The following PTPRM variants were observed in gnomAD, a reference collection of about 807,000 sequenced individuals.
PTPRM encodes the protein receptor-type tyrosine-protein phosphatase mu.
Under a neutral mutation model 186.7 loss-of-function variants are expected in PTPRM, and 47 were observed. That is an observed-to-expected ratio of 0.25 (90% confidence interval 0.20 to 0.32). The LOEUF is 0.32. Ranked by LOEUF, PTPRM falls within the 10% of genes least tolerant of loss-of-function variation. The probability of loss-of-function intolerance (pLI) is 1.00; values close to 1 mark genes in which losing one functional copy is unlikely to be tolerated. For synonymous variants in PTPRM, 668 were observed against 674.9 expected (o/e 0.99, Z 0.16); for missense variants, 1,494 against 1,865.0 (o/e 0.80, Z 3.66).
rs114407763 is a variant in PTPRM, at chr18:8,185,417, C to T, written c.2300+41638C>T. Among the ~76,000 whole-genome samples, 1,308 of 152,328 alleles carry T rather than the reference C, an allele frequency of 8.6e-3. 11 individuals are homozygous for T. Among genetic ancestry groups the T allele is most frequent in the African/African-American group, 0.03 (1,241 of 41,572 alleles). On this transcript the variant is annotated intron_variant, in intron 14 of 32. Coordinates refer to ENST00000580170, the MANE Select transcript of PTPRM (RefSeq NM_001105244.2). ...TGAGACACAGAAGCTGATCACCTTG[C>T]TCGGGGTCCTGTGACTAGTAGGAGT...
intron 1 of PTPRM, among the ~76,000 whole-genome samples, chr18:7,701,788 C>T (rs916128673): frequency 1.3e-5 from 2 of 151,980 alleles, no homozygotes; most frequent in African/African-American, 4.8e-5. Context: ...ATACACGTGC[C>T]ATGGTGGTTT....
chr18:8,088,960 T>A, intron 11 of PTPRM, 109 bp downstream of exon 11: 1 of 811,112 alleles, frequency 1.2e-6, no homozygotes, highest in Non-Finnish European at 2.0e-6. Flanking sequence ...AGCCAGCATG[T>A]AAATCCATAT....
chr18:8,165,196 G>T (rs2093303572), intron 14 of PTPRM, among the ~76,000 whole-genome samples: 1 of 151,086 alleles, frequency 6.6e-6, no homozygotes, highest in Non-Finnish European at 1.5e-5. Flanking sequence ...AAGAAAGAAA[G>T]AAATGTTCTA....
chr18:8,129,279 T>C (rs2092446398), intron 13 of PTPRM, among the ~76,000 whole-genome samples: 1 of 152,194 alleles, frequency 6.6e-6, no homozygotes, highest in African/African-American at 2.4e-5. Flanking sequence ...TTAATAAAAA[T>C]GAGAAAGGCT....
chr18:8,233,573 ATGTC>A (rs2094312314), intron 14 of PTPRM, among the ~76,000 whole-genome samples: 3 of 152,146 alleles, frequency 2.0e-5, no homozygotes, highest in African/African-American at 7.2e-5. Context: ...ATTACCAGGT[ATGTC>A]TTTTACAAAT....
At chr18:7,588,777 G>A (rs1303811157) in intron 1 of PTPRM, among the ~76,000 whole-genome samples, 1 of 152,126 alleles carries the variant, frequency 6.6e-6, no homozygotes, top group South Asian at 2.1e-4. Context: ...TCCTTTAACC[G>A]TGGTCACTTG....
intron 5 of PTPRM, 43 bp from the exon 6 acceptor site, chr18:7,949,138 C>T (rs1328714549): frequency 6.7e-7 from 1 of 1,499,642 alleles, no homozygotes; most frequent in South Asian, 1.2e-5. Context: ...GCTCTGACAG[C>T]TTATATTGCT....
intron 19 of PTPRM, among the ~76,000 whole-genome samples, chr18:8,287,363 G>A (rs964309416): frequency 1.3e-5 from 2 of 152,162 alleles, no homozygotes; most frequent in Non-Finnish European, 2.9e-5. Context: ...GAGTCTCACC[G>A]CCCTTCATGT....
At chr18:8,141,338 G>A (rs763801348) in intron 13 of PTPRM, among the ~76,000 whole-genome samples, 11 of 152,288 alleles carry the variant, frequency 7.2e-5, no homozygotes, top group Middle Eastern at 3.4e-3. Flanking sequence ...GGTTGCTACC[G>A]TCATCACGTT....
chr18:8,378,314 G>C lies in PTPRM; in HGVS notation c.3512G>C (p.Gly1171Ala), dbSNP rs1369617288. The change falls in exon 27 of 33, where the codon GGG (glycine) becomes GCG (alanine). Residue 1171 changes from glycine to alanine, a missense_variant. Coordinates refer to ENST00000580170, the MANE Select transcript of PTPRM (RefSeq NM_001105244.2). The stretch of plus-strand genomic sequence containing the variant: ...GCGATCCTGGAAGCCTGTCTTTGTG[G>C]GGACACCTCTGTGCCTGCTTCCCAA... The part of the protein sequence containing the change: ...HDAILEACLC[G>A]DTSVPASQVR... 1 of 1,612,712 alleles carries C rather than the reference G, an allele frequency of 6.2e-7. No homozygotes were observed. The highest frequency in any genetic ancestry group is 8.5e-7 in the Non-Finnish European group (1 of 1,178,856).
intron 2 of PTPRM, among the ~76,000 whole-genome samples, chr18:7,868,904 G>A (rs2047846985): frequency 6.6e-6 from 1 of 152,220 alleles, no homozygotes; most frequent in Non-Finnish European, 1.5e-5. Context: ...GCCCAGAGAG[G>A]AGGAAGCTAG....
chr18:7,590,236 AG>A (rs1387503396), intron 1 of PTPRM, among the ~76,000 whole-genome samples: 1 of 152,200 alleles, frequency 6.6e-6, no homozygotes, highest in Non-Finnish European at 1.5e-5. Flanking sequence ...ATTTTTCTTC[AG>A]GAAATATAAC....
intron 14 of PTPRM, among the ~76,000 whole-genome samples, chr18:8,201,271 G>A (rs542338539): frequency 5.4e-4 from 82 of 152,312 alleles, no homozygotes; most frequent in African/African-American, 1.9e-3. Flanking sequence ...AGCCAACATC[G>A]TGCCACTGCA....
At chr18:7,792,217 A>G (rs1473950891) in intron 2 of PTPRM, among the ~76,000 whole-genome samples, 1 of 152,224 alleles carries the variant, frequency 6.6e-6, no homozygotes, top group Non-Finnish European at 1.5e-5. Context: ...TGGTACCAGT[A>G]GGTACTTAGA....
intron 14 of PTPRM, among the ~76,000 whole-genome samples, chr18:8,171,955 G>A (rs959075120): frequency 5.3e-5 from 8 of 152,120 alleles, no homozygotes; most frequent in Non-Finnish European, 1.0e-4. Flanking sequence ...ATTGAATACT[G>A]TGCCGAAAGT....
In PTPRM at chr18:7,902,834, C is replaced by CTG. The variant is rs375304011; in HGVS notation, c.469-3670_469-3669insGT. ...CTTCCAGGTCTCAGATCTTCTCTGC[C>CTG]TTTTTTTTTTTTTTTTTGTACTCTC... is the stretch of plus-strand genomic sequence containing the variant. On this transcript the variant is annotated intron_variant, in intron 3 of 32. Coordinates refer to ENST00000580170, the MANE Select transcript of PTPRM (RefSeq NM_001105244.2). Among the ~76,000 whole-genome samples, 969 of 130,072 alleles carry CTG rather than the reference C, an allele frequency of 7.4e-3. 13 individuals are homozygous for CTG. The highest frequency in any genetic ancestry group is 0.026 in the African/African-American group (921 of 35,420). 85.3% of individuals were successfully genotyped at this position (130,072 alleles called of 152,430 possible).
At chr18:8,100,107 G>T (rs955186543) in intron 11 of PTPRM, among the ~76,000 whole-genome samples, 1 of 151,740 alleles carries the variant, frequency 6.6e-6, no homozygotes, top group Non-Finnish European at 1.5e-5. Flanking sequence ...AAGGCAGAGA[G>T]TGAGGAGGGA....
At chr18:8,097,399 C>G (rs553329938) in intron 11 of PTPRM, among the ~76,000 whole-genome samples, 59 of 152,234 alleles carry the variant, frequency 3.9e-4, no homozygotes, top group Non-Finnish European at 4.4e-5. Flanking sequence ...TGTCCTGTAT[C>G]AATGTATTTT....
intron 22 of PTPRM, among the ~76,000 whole-genome samples, chr18:8,325,316 A>G (rs1286764875): frequency 6.6e-6 from 1 of 151,890 alleles, no homozygotes; most frequent in East Asian, 1.9e-4. Flanking sequence ...CCCTCCTCCC[A>G]CCCTCTACCC....
Sources: gnomAD v4.1 joint callset for allele counts (sites outside exome capture counted in the v4.1 genomes callset) on GRCh38, gnomAD v4.1.1 for gene constraint, MANE v1.5 for transcripts, NCBI Gene and HGNC (gene_info 2026-07-23, HGNC 2026-07-21) for gene names.